The following NDUFA8 variants were observed in gnomAD, a reference collection of about 807,000 sequenced individuals.
NDUFA8 encodes NADH:ubiquinone oxidoreductase subunit A8.
In NDUFA8, 16 loss-of-function variants were observed where a neutral mutation model predicts 20.9. The ratio of observed to expected loss-of-function variants is 0.77; its 90% CI spans 0.52 to 1.16. NDUFA8 has a LOEUF of 1.16. NDUFA8 is among the 50% of genes most tolerant of loss of function. The pLI is 0.00. For synonymous variants in NDUFA8, 70 were observed against 76.1 expected (o/e 0.92, Z 0.41); for missense variants, 202 against 216.4 (o/e 0.93, Z 0.42).
chr9:122,139,959 C>T (rs932546825), downstream of NDUFA8, among the ~76,000 whole-genome samples: 12 of 152,218 alleles, frequency 7.9e-5, no homozygotes, highest in Middle Eastern at 3.2e-3. Context: ...TCCCAAAGTG[C>T]TGGGATTACA....
downstream of NDUFA8, among the ~76,000 whole-genome samples, chr9:122,143,344 GAA>G (rs1191939815): frequency 1.3e-5 from 2 of 152,280 alleles, no homozygotes; most frequent in East Asian, 3.9e-4. Context: ...AGATGTGGAG[GAA>G]ACAGCCTAGT....
the NDUFA8 span, among the ~76,000 whole-genome samples, chr9:122,138,124 G>C: frequency 6.6e-6 from 1 of 152,138 alleles, no homozygotes; most frequent in Admixed American, 6.5e-5. Context: ...CCTTAGTTTT[G>C]GAGAGCAAGG....
the NDUFA8 span, among the ~76,000 whole-genome samples, chr9:122,136,626 G>A: frequency 2.0e-5 from 3 of 151,578 alleles, no homozygotes; most frequent in African/African-American, 4.9e-5. Flanking sequence ...GTGCAATCTC[G>A]GCTCATTGCA....
intron 1 of NDUFA8, among the ~76,000 whole-genome samples, chr9:122,154,240 C>T (rs1238791883): frequency 6.6e-6 from 1 of 152,230 alleles, no homozygotes; most frequent in Non-Finnish European, 1.5e-5. Flanking sequence ...AAAATAGTGT[C>T]TAGCACAAGT....
chr9:122,132,960 T>C, the NDUFA8 span: 1 of 456,060 alleles, frequency 2.2e-6, no homozygotes, highest in Admixed American at 2.3e-5. Context: ...TCTCCAGTCC[T>C]TGGGAAAGTC....
At chr9:122,132,834 G>A in the NDUFA8 span, 1 of 434,880 alleles carries the variant, frequency 2.3e-6, no homozygotes. Flanking sequence ...AGACAGATGG[G>A]CCTGGCTTCA....
intron 1 of NDUFA8, among the ~76,000 whole-genome samples, chr9:122,159,208 A>G (rs1231375216): frequency 6.6e-6 from 1 of 151,732 alleles, no homozygotes; most frequent in Non-Finnish European, 1.5e-5. Context: ...CACTCTATGC[A>G]CTCTGCACCG....
At chr9:122,146,850 C>G (rs73551342) in intron 3 of NDUFA8, among the ~76,000 whole-genome samples, 4,078 of 152,284 alleles carry the variant, frequency 0.027, 185 homozygotes, top group African/African-American at 0.094. Context: ...GAGCTGTGAT[C>G]GCACCACTGC....
chr9:122,159,520 G>A, intron 1 of NDUFA8, 107 bp downstream of exon 1: 1 of 1,388,710 alleles, frequency 7.2e-7, no homozygotes, highest in Admixed American at 1.7e-5. Flanking sequence ...GGAGGACTGG[G>A]GAGGGGGGCC....
At chr9:122,133,264 C>T in the NDUFA8 span, among the ~76,000 whole-genome samples, 1 of 152,208 alleles carries the variant, frequency 6.6e-6, no homozygotes, top group Non-Finnish European at 1.5e-5. Context: ...TCAGTGACAG[C>T]TCTGCTACCT....
At position 122,152,320 on chromosome 9, in the gene NDUFA8, C is replaced by T. The variant is rs1346883008; in HGVS notation, c.140G>A (p.Arg47His). ...DKPNKEFMLC[R>H]WEEKDPRRCL... ...CCGCCTCGGATCTTTCTCTTCCCAG[C>T]GGCAGAGCATAAACTCCTTGTTGGG... The change falls in exon 2 of 4, where the codon CGC becomes CAC. Residue 47 changes from arginine (R) to histidine (H), a missense_variant. Transcript: ENST00000373768. The T allele has an allele frequency of 3.7e-6, 6 of 1,614,108 alleles. No individual in the cohort carries two copies. The highest frequency in any genetic ancestry group is 2.2e-5 in the East Asian group (1 of 44,874).
intron 1 of NDUFA8, among the ~76,000 whole-genome samples, chr9:122,154,288 T>G (rs7031791): frequency 6.6e-6 from 1 of 152,036 alleles, no homozygotes; most frequent in Non-Finnish European, 1.5e-5. Context: ...AAAATGGGGA[T>G]ACAATAATTA....
intron 2 of NDUFA8, among the ~76,000 whole-genome samples, chr9:122,150,305 G>A (rs890320595): frequency 1.3e-5 from 2 of 151,596 alleles, no homozygotes; most frequent in African/African-American, 4.8e-5. Flanking sequence ...TAGCTACTCG[G>A]GAGGCTGAGG....
the NDUFA8 span, among the ~76,000 whole-genome samples, chr9:122,135,549 G>T: frequency 6.6e-6 from 1 of 152,170 alleles, no homozygotes; most frequent in Non-Finnish European, 1.5e-5. Context: ...AACTAAGAGG[G>T]AAGCAAAGAG....
chr9:122,133,890 T>C, the NDUFA8 span, among the ~76,000 whole-genome samples: 1 of 152,240 alleles, frequency 6.6e-6, no homozygotes, highest in Admixed American at 6.5e-5. Context: ...GCTGGTGCCC[T>C]GCGCCTGGTC....
intron 1 of NDUFA8, among the ~76,000 whole-genome samples, 181 bp from the exon 2 acceptor site, chr9:122,152,589 C>T (rs533284302): frequency 6.7e-6 from 1 of 148,676 alleles, no homozygotes; most frequent in Non-Finnish European, 1.5e-5. Context: ...GGGTTTCACT[C>T]CCATTCCCCA....
At chr9:122,156,830 G>C (rs890494201) in intron 1 of NDUFA8, among the ~76,000 whole-genome samples, 7 of 152,162 alleles carry the variant, frequency 4.6e-5, no homozygotes, top group African/African-American at 1.7e-4. Flanking sequence ...CACAGTCTCT[G>C]TAAGCACCAA....
chr9:122,139,181 C>A (rs187622400), downstream of NDUFA8, among the ~76,000 whole-genome samples: 3 of 152,314 alleles, frequency 2.0e-5, no homozygotes, highest in Admixed American at 2.0e-4. Flanking sequence ...GCACAGCGAG[C>A]CCTGCCCTGC....
the NDUFA8 span, among the ~76,000 whole-genome samples, chr9:122,134,744 G>A: frequency 6.6e-6 from 1 of 152,104 alleles, no homozygotes. Flanking sequence ...CGATCTTTGG[G>A]CCTCCGTTTC....
Sources: allele counts gnomAD v4.1 joint callset (sites outside exome capture counted in the v4.1 genomes callset), GRCh38; gene constraint gnomAD v4.1.1; transcripts MANE v1.5; gene names NCBI Gene and HGNC (gene_info 2026-07-23, HGNC 2026-07-21).